TAF7L: variants seen among roughly 807,000 people sequenced by gnomAD.
TAF7L encodes the protein TATA-box binding protein associated factor 7 like, also known as transcription initiation factor TFIID subunit 7-like.
A neutral mutation model predicts 30.2 loss-of-function variants in TAF7L; 6 were observed. The observed-to-expected ratio is 0.20, with a 90% CI of 0.11 to 0.39. TAF7L has a LOEUF of 0.39. Ranked by LOEUF, TAF7L falls within the 10% of genes least tolerant of loss-of-function variation. The probability of loss-of-function intolerance (pLI) is 1.00; values close to 1 mark genes in which losing one functional copy is unlikely to be tolerated. For synonymous variants in TAF7L, 93 were observed against 94.5 expected, an observed-to-expected ratio of 0.98 and a Z score of 0.09; for missense variants, 284 against 277.1, an observed-to-expected ratio of 1.03 and a Z score of -0.18.
At chrX:101,289,060 C>T (rs1004167415) in intron 1 of TAF7L, among the ~76,000 whole-genome samples, 1 of 111,761 alleles carries the variant, frequency 8.9e-6, no homozygotes, top group African/African-American at 3.3e-5. Context: ...ATGCCCCTCC[C>T]GCTACTCCAG....
intron 1 of TAF7L, among the ~76,000 whole-genome samples, chrX:101,290,178 C>A (rs1924747929): frequency 1.8e-5 from 2 of 110,455 alleles, no homozygotes; most frequent in Admixed American, 9.7e-5. Context: ...GCTTGGGTGA[C>A]AGAGTGAGAC....
chrX:101,275,273 A>T lies in TAF7L; in HGVS notation c.1035T>A (p.Phe345Leu). 8.6e-7 allele frequency: 1 copy of T among 1,165,864 alleles called. No homozygotes were observed. Residue 345 changes from phenylalanine (F) to leucine (L), a missense_variant, in exon 12 of 13, where the codon TTT becomes TTA. Physicochemically the swap from Phe to Leu is conservative, Grantham distance 22. Transcript: ENST00000356784. ...KVENLTLKNH[F>L]QSVLEQLELQ... ...ACTCAAGCTGCTCCAGCACAGACTG[A>T]AAATGATTCTGAAAAATAAATTGTA...
intron 12 of TAF7L, among the ~76,000 whole-genome samples, chrX:101,273,859 C>T (rs1413108913): frequency 8.9e-6 from 1 of 112,178 alleles, no homozygotes; most frequent in African/African-American, 3.2e-5. Context: ...TTTGCCTGGA[C>T]TTAATCCTTC....
intron 12 of TAF7L, among the ~76,000 whole-genome samples, chrX:101,272,962 C>T (rs770978259): frequency 3.4e-4 from 37 of 110,137 alleles, no homozygotes; most frequent in African/African-American, 7.9e-4. Flanking sequence ...TTTGGAGAGA[C>T]GGGGTTTCAC....
intron 6 of TAF7L, among the ~76,000 whole-genome samples, chrX:101,280,973 T>G (rs984619394): frequency 2.7e-5 from 3 of 111,343 alleles, no homozygotes; most frequent in African/African-American, 9.8e-5. Context: ...GGGTGTGAGG[T>G]GGAAGGGAAG....
At chrX:101,286,192 A>AAAG (rs1555969588) in intron 3 of TAF7L, among the ~76,000 whole-genome samples, 2 of 106,254 alleles carry the variant, frequency 1.9e-5, no homozygotes, top group African/African-American at 3.5e-5. Context: ...AAAAAAAAAA[A>AAAG]AAAGAAAGAA....
At chrX:101,289,152 T>C (rs1243836128) in intron 1 of TAF7L, among the ~76,000 whole-genome samples, 1 of 112,300 alleles carries the variant, frequency 8.9e-6, no homozygotes, top group African/African-American at 3.2e-5. Context: ...ATGTGATTTT[T>C]GTCTTTTTCT....
chrX:101,273,200 A>G (rs1924031062), intron 12 of TAF7L, among the ~76,000 whole-genome samples: 1 of 111,871 alleles, frequency 8.9e-6, no homozygotes, highest in African/African-American at 3.3e-5. Flanking sequence ...ATCCTCTGTT[A>G]TTAGAGTACC....
At chrX:101,277,128 GGC>G (rs1413716605) in intron 9 of TAF7L, among the ~76,000 whole-genome samples, 10 of 93,497 alleles carry the variant, frequency 1.1e-4, no homozygotes, top group African/African-American at 4.1e-4. Context: ...CTCCAGTTTG[GGC>G]GACAGAGCGA....
upstream of TAF7L, among the ~76,000 whole-genome samples, chrX:101,291,726 C>T (rs1452144661): frequency 1.8e-5 from 2 of 109,292 alleles, no homozygotes; most frequent in African/African-American, 3.3e-5. Flanking sequence ...ATTAGCTGGG[C>T]GTGGTTGCGC....
chrX:101,273,923 T>G (rs1924066041), intron 12 of TAF7L, among the ~76,000 whole-genome samples: 1 of 112,060 alleles, frequency 8.9e-6, no homozygotes, highest in African/African-American at 3.2e-5. Flanking sequence ...ATCCCCCAAT[T>G]AATTCAAGAC....
intron 1 of TAF7L, among the ~76,000 whole-genome samples, chrX:101,289,061 G>A (rs767232404): frequency 9.0e-5 from 10 of 111,398 alleles, no homozygotes; most frequent in African/African-American, 2.9e-4. Flanking sequence ...TGCCCCTCCC[G>A]CTACTCCAGC....
rs748108764 is a variant in TAF7L, at chrX:101,276,458, A to ATCATCC, written c.756_761dup (p.Glu252_Asp253dup). On this transcript the variant is annotated inframe_insertion, in exon 10 of 13. Coordinates refer to ENST00000356784, the MANE Select transcript of TAF7L (RefSeq NM_001168474.2). ...CATCCTCATCCTCATCCTCATCTTCATCATCCTCATCCTCATCATCATCAT... is the reference window on the plus strand; with the variant it reads ...CATCCTCATCCTCATCCTCATCTTCATCATCCTCATCCTCATCCTCATCATCATCAT... 8.3e-7 allele frequency: 1 copy of ATCATCC among 1,204,446 alleles called. No individual in the cohort carries two copies. The highest frequency in any genetic ancestry group is 1.8e-5 in the South Asian group (1 of 56,715).
chrX:101,277,151 CAAAAAAAAAAAAA>C (rs35984328), intron 9 of TAF7L, among the ~76,000 whole-genome samples: 1 of 16,032 alleles, frequency 6.2e-5, no homozygotes, highest in Non-Finnish European at 9.9e-5. Flanking sequence ...GACTCTGTCT[CAAAAAAAAAAAAA>C]AAAAAAAAAA....
chrX:101,276,520 T>A lies in TAF7L; in HGVS notation c.700A>T (p.Met234Leu). ...KQGHTSSEYD[M>L]LREMFSDSRS... ...GAATCACTGAACATCTCCCGAAGCA[T>A]ATCATATTCTACTAGTTTTAAGCAA... Residue 234 changes from methionine (M) to leucine (L), a missense_variant, in exon 10 of 13, where the codon ATG becomes TTG. Coordinates refer to ENST00000356784, the MANE Select transcript of TAF7L (RefSeq NM_001168474.2). The A allele has an allele frequency of 8.3e-7, 1 of 1,210,594 alleles. No homozygotes were observed. The highest frequency in any genetic ancestry group is 1.1e-6 in the Non-Finnish European group (1 of 895,045).
At chrX:101,285,174 T>G (rs2147380951) in intron 3 of TAF7L, among the ~76,000 whole-genome samples, 1 of 110,795 alleles carries the variant, frequency 9.0e-6, no homozygotes, top group Non-Finnish European at 1.9e-5. Context: ...TTTAGTTTTC[T>G]GAGGAACCTC....
intron 10 of TAF7L, 25 bp from the exon 11 acceptor site, chrX:101,276,137 T>C (rs1769381487): frequency 8.7e-7 from 1 of 1,150,489 alleles, no homozygotes; most frequent in Non-Finnish European, 1.2e-6. Context: ...TAGAACTTTA[T>C]ATATTAAATA....
At chrX:101,284,458 G>A (rs780835089) in intron 3 of TAF7L, among the ~76,000 whole-genome samples, 1 of 112,164 alleles carries the variant, frequency 8.9e-6, no homozygotes, top group Non-Finnish European at 1.9e-5. Context: ...TCCGCCCCCT[G>A]GGTTCAAGCA....
In TAF7L at chrX:101,278,114, T is replaced by G. The variant is rs773335613; in HGVS notation, c.512A>C (p.Glu171Ala). Reference protein sequence around the residue: ...MEKSSFTEYIESPDVENEVKR... With the variant: ...MEKSSFTEYIASPDVENEVKR... Reference sequence around the variant, plus strand: ...TACTTCATTTTCCACGTCTGGAGATTCAATGTACTGAAGCAAAGTTGGGGA... The same window carrying G: ...TACTTCATTTTCCACGTCTGGAGATGCAATGTACTGAAGCAAAGTTGGGGA... Residue 171 changes from glutamate to alanine, a missense_variant, in exon 8 of 13, where the codon GAA (glutamate) becomes GCA (alanine). Glu to Ala is a moderately radical substitution (Grantham distance 107). Coordinates refer to ENST00000356784, the MANE Select transcript of TAF7L (RefSeq NM_001168474.2). 3.3e-6 allele frequency: 4 copies of G among 1,209,815 alleles called. No individual in the cohort carries two copies. The highest frequency in any genetic ancestry group is 3.5e-5 in the South Asian group (2 of 56,907).
Sources: allele counts gnomAD v4.1 joint callset (sites outside exome capture counted in the v4.1 genomes callset), GRCh38; gene constraint gnomAD v4.1.1; transcripts MANE v1.5; gene names NCBI Gene and HGNC (gene_info 2026-07-23, HGNC 2026-07-21).